The following ARFGEF1 variants were observed in gnomAD, a reference collection of about 807,000 sequenced individuals.
ARFGEF1 encodes ARF guanine nucleotide exchange factor 1.
In ARFGEF1, 42 loss-of-function variants were observed where a neutral mutation model predicts 231.0. That is an observed-to-expected ratio of 0.18 (90% CI 0.14 to 0.24). ARFGEF1 has a LOEUF of 0.24. ARFGEF1 is among the 10% of genes least tolerant of loss of function. The pLI is 1.00. For synonymous variants in ARFGEF1, 710 were observed against 732.3 expected (o/e 0.97, Z 0.49); for missense variants, 1,345 against 2,192.0 (o/e 0.61, Z 7.72).
intron 1 of ARFGEF1, among the ~76,000 whole-genome samples, chr8:67,341,425 CAAAA>C (rs1186065653): frequency 3.4e-5 from 3 of 87,938 alleles, no homozygotes; most frequent in Middle Eastern, 5.3e-3. Context: ...CCATCTCCAC[CAAAA>C]AAAAAAAAAA....
chr8:67,287,216 A>G (rs185210818), intron 7 of ARFGEF1, among the ~76,000 whole-genome samples: 1 of 152,284 alleles, frequency 6.6e-6, no homozygotes, highest in East Asian at 1.9e-4. Context: ...ATTTATGCTG[A>G]ACACCAACCT....
chr8:67,216,756 C>T, intron 32 of ARFGEF1, 94 bp from the exon 33 acceptor site: 1 of 910,470 alleles, frequency 1.1e-6, no homozygotes, highest in Non-Finnish European at 1.6e-6. Context: ...GTAACAAGAA[C>T]ATACCAACTA....
rs1230730838 is a variant in ARFGEF1, at chr8:67,276,125, T to C, written c.1204-16A>G. The C allele has an allele frequency of 1.2e-6, 2 of 1,611,600 alleles. No individual in the cohort carries two copies. The highest frequency in any genetic ancestry group is 1.7e-6 in the Non-Finnish European group (2 of 1,178,642). ...TTCCAGATTCCTAAACAAGTTAACA[T>C]ACCATGAAAATTTTAGAGATATTTG... is the stretch of plus-strand genomic sequence containing the variant. On this transcript the variant is annotated splice_polypyrimidine_tract_variant and intron_variant, in intron 8 of 38. Coordinates refer to ENST00000262215, the MANE Select transcript of ARFGEF1 (RefSeq NM_006421.5).
At chr8:67,236,349 T>TAAAAAAAAAAAA (rs1554638965) in intron 22 of ARFGEF1, among the ~76,000 whole-genome samples, 1 of 13,958 alleles carries the variant, frequency 7.2e-5, no homozygotes, top group Non-Finnish European at 1.3e-4. Context: ...AGATATTAGT[T>TAAAAAAAAAAAA]AAAAAAAAAA....
chr8:67,190,666 A>G (rs1459546695), intron 5 of ARFGEF1: 2 of 1,613,938 alleles, frequency 1.2e-6, no homozygotes, highest in Non-Finnish European at 1.7e-6. Context: ...ACGGTGAGAC[A>G]TATCCTGCCA....
At chr8:67,256,947 T>C (rs182502084) in intron 17 of ARFGEF1, among the ~76,000 whole-genome samples, 1 of 152,196 alleles carries the variant, frequency 6.6e-6, no homozygotes, top group Non-Finnish European at 1.5e-5. Flanking sequence ...ATATCTGAGA[T>C]CTGCTTCAAA....
intron 19 of ARFGEF1, among the ~76,000 whole-genome samples, chr8:67,244,265 A>C (rs937506260): frequency 1.3e-4 from 2 of 15,820 alleles, no homozygotes; most frequent in African/African-American, 6.6e-4. Context: ...AAAAAAAAAA[A>C]AAACATTCGA....
intron 5 of ARFGEF1, among the ~76,000 whole-genome samples, chr8:67,187,063 T>C (rs1214059453): frequency 6.6e-6 from 1 of 152,078 alleles, no homozygotes; most frequent in Non-Finnish European, 1.5e-5. Flanking sequence ...ACTGATGAAA[T>C]TGAAGGACTA....
chr8:67,316,690 G>A (rs1807333581), intron 1 of ARFGEF1, among the ~76,000 whole-genome samples: 1 of 152,032 alleles, frequency 6.6e-6, no homozygotes, highest in Admixed American at 6.6e-5. Context: ...GAACTCCTGG[G>A]CTCAAGTGAT....
downstream of ARFGEF1, chr8:67,193,578 T>G: frequency 6.2e-7 from 1 of 1,613,700 alleles, no homozygotes. Flanking sequence ...ACTGAATGAA[T>G]TTCACAATAA....
intron 1 of ARFGEF1, among the ~76,000 whole-genome samples, chr8:67,307,268 A>C (rs1806792260): frequency 6.6e-6 from 1 of 152,188 alleles, no homozygotes; most frequent in Admixed American, 6.5e-5. Flanking sequence ...TAAACTCACA[A>C]AGGAAAATCA....
In ARFGEF1 at chr8:67,298,569, C is replaced by T. The variant is rs973857273; in HGVS notation, c.459+640G>A. On this transcript the variant is annotated intron_variant, in intron 4 of 38. Transcript: ENST00000262215. ...AGGGGTCACAGCTTTAAGAACTACC[C>T]TAAAGTTTGATGGATGCAATATATA... Among the ~76,000 whole-genome samples the T allele has an allele frequency of 2.6e-5, 4 of 152,206 alleles. No individual in the cohort carries two copies. In the East Asian group the frequency reaches 5.8e-4, roughly 22 times the overall value.
intron 33 of ARFGEF1, among the ~76,000 whole-genome samples, chr8:67,214,680 A>C (rs1440822604): frequency 6.6e-6 from 1 of 152,228 alleles, no homozygotes; most frequent in Non-Finnish European, 1.5e-5. Flanking sequence ...CTATCCAGAA[A>C]GATGTGTGGA....
chr8:67,266,296 G>A (rs193037744), intron 13 of ARFGEF1, 89 bp from the exon 14 acceptor site: 69 of 952,280 alleles, frequency 7.2e-5, no homozygotes, highest in Middle Eastern at 7.0e-4. Flanking sequence ...AAGGCAAGGC[G>A]TTTCAATGTT....
At chr8:67,184,401 C>T (rs535985912) in intron 5 of ARFGEF1, among the ~76,000 whole-genome samples, 1 of 152,238 alleles carries the variant, frequency 6.6e-6, no homozygotes, top group Admixed American at 6.5e-5. Context: ...AAGCCTCTAG[C>T]CAAGCTAATA....
At chr8:67,336,840 G>C (rs1808363558) in intron 1 of ARFGEF1, among the ~76,000 whole-genome samples, 1 of 152,066 alleles carries the variant, frequency 6.6e-6, no homozygotes, top group Non-Finnish European at 1.5e-5. Flanking sequence ...CAAAAAACCT[G>C]ACAAGGCAGG....
chr8:67,225,890 A>G, intron 28 of ARFGEF1, 133 bp downstream of exon 28: 1 of 894,048 alleles, frequency 1.1e-6, no homozygotes, highest in Middle Eastern at 3.4e-4. Flanking sequence ...CTAACTTGGA[A>G]TCAGGCTGCT....
chr8:67,244,530 G>A (rs1344860798), intron 19 of ARFGEF1, among the ~76,000 whole-genome samples: 1 of 148,994 alleles, frequency 6.7e-6, no homozygotes, highest in Non-Finnish European at 1.5e-5. Context: ...AAACTCCTGG[G>A]CTCAAGTGAT....
chr8:67,277,331 G>A lies in ARFGEF1; in HGVS notation c.1154C>T (p.Thr385Ile), dbSNP rs749253154. ...CAATCTATCATCAGGTAAGGATGGT[G>A]TATATGCAACAGAAATTGGTGTTCC... ...IPGTPISVAY[T>I]PSLPDDRLSV... Residue 385 changes from threonine to isoleucine, a missense_variant, in exon 8 of 39, where the codon ACA becomes ATA. By Grantham distance (89) the Thr-to-Ile change is moderately conservative. This residue lies in a region of ARFGEF1 where 398 missense variants were observed against 463.2 expected (regional missense o/e 0.86). Transcript: ENST00000262215. 3.7e-6 allele frequency: 6 copies of A among 1,613,528 alleles called. No homozygotes were observed. Among genetic ancestry groups the A allele is most frequent in the Non-Finnish European group, 4.2e-6 (5 of 1,179,752 alleles).
Sources: gnomAD v4.1 joint callset for allele counts (sites outside exome capture counted in the v4.1 genomes callset) on GRCh38, gnomAD v4.1.1 for gene constraint, gnomAD v4.1.1 regional missense constraint, MANE v1.5 for transcripts, NCBI Gene and HGNC (gene_info 2026-07-23, HGNC 2026-07-21) for gene names.